The following ZNF804B variants were observed in gnomAD, a reference collection of about 807,000 sequenced individuals.
The protein encoded by ZNF804B is zinc finger 804B.
A neutral mutation model predicts 101.4 loss-of-function variants in ZNF804B; 80 were observed. That is an observed-to-expected ratio of 0.79 (90% confidence interval 0.66 to 0.95). The LOEUF is 0.95. ZNF804B is among the 40% of genes least tolerant of loss of function. ZNF804B has a pLI of 0.00. For synonymous variants in ZNF804B, 622 were observed against 558.8 expected (o/e 1.11, Z -1.59); for missense variants, 1,673 against 1,561.9 (o/e 1.07, Z -1.20).
At position 89,338,048 on chromosome 7, in the gene ZNF804B, A is replaced by G. The variant is rs1791130546; in HGVS notation, c.*1016A>G. Reference sequence around the variant, plus strand: ...ATGAATAATGATGAATAAATTCACCATCCATGTAATGTTGCAAATAATTTC... The same window carrying G: ...ATGAATAATGATGAATAAATTCACCGTCCATGTAATGTTGCAAATAATTTC... On this transcript the variant is annotated 3_prime_UTR_variant, in exon 4 of 4. Transcript: ENST00000333190. 1.3e-5 allele frequency among the ~76,000 whole-genome samples: 2 copies of G among 152,102 alleles called. No homozygotes were observed. The highest frequency in any genetic ancestry group is 4.8e-5 in the African/African-American group (2 of 41,450).
intron 1 of ZNF804B, among the ~76,000 whole-genome samples, chr7:88,790,632 A>C (rs1208362811): frequency 6.6e-6 from 1 of 152,058 alleles, no homozygotes; most frequent in Non-Finnish European, 1.5e-5. Context: ...GTATATATTC[A>C]TAGTATTCCA....
intron 1 of ZNF804B, among the ~76,000 whole-genome samples, chr7:88,961,690 A>G (rs375010888): frequency 2.4e-4 from 36 of 151,546 alleles, no homozygotes; most frequent in Middle Eastern, 6.8e-3. Context: ...AAAAGAACTC[A>G]GTGGTTCATG....
At chr7:89,216,213 G>A (rs527699532) in intron 1 of ZNF804B, among the ~76,000 whole-genome samples, 5 of 152,106 alleles carry the variant, frequency 3.3e-5, no homozygotes, top group East Asian at 2.0e-4. Flanking sequence ...GGGCTGAGAC[G>A]GGAGAATCGC....
chr7:88,934,106 A>G (rs1460144580), intron 1 of ZNF804B, among the ~76,000 whole-genome samples: 4 of 151,994 alleles, frequency 2.6e-5, no homozygotes, highest in East Asian at 3.9e-4. Context: ...GAACCCAAAA[A>G]TAAAGCCAAA....
At chr7:88,776,979 T>A (rs1790151451) in intron 1 of ZNF804B, among the ~76,000 whole-genome samples, 1 of 152,070 alleles carries the variant, frequency 6.6e-6, no homozygotes, top group Non-Finnish European at 1.5e-5. Context: ...TACCCAGAAT[T>A]AGTAATTGCA....
chr7:89,286,130 A>G (rs753732916), intron 2 of ZNF804B, among the ~76,000 whole-genome samples: 1 of 152,206 alleles, frequency 6.6e-6, no homozygotes, highest in Non-Finnish European at 1.5e-5. Flanking sequence ...CCATGAATTC[A>G]GCAACTAAGG....
At chr7:88,879,186 G>A (rs1320137760) in intron 1 of ZNF804B, among the ~76,000 whole-genome samples, 1 of 152,122 alleles carries the variant, frequency 6.6e-6, no homozygotes, top group East Asian at 1.9e-4. Flanking sequence ...CATCTTTGGA[G>A]GAGACCTCGT....
At chr7:89,298,247 T>TATATATATATACAC (rs1790419625) in intron 2 of ZNF804B, among the ~76,000 whole-genome samples, 1 of 120,786 alleles carries the variant, frequency 8.3e-6, no homozygotes, top group African/African-American at 3.1e-5. Context: ...TATATATATA[T>TATATATATATACAC]ATATATATAT....
chr7:89,280,536 G>T (rs899979453), intron 2 of ZNF804B, among the ~76,000 whole-genome samples: 1 of 152,070 alleles, frequency 6.6e-6, no homozygotes, highest in African/African-American at 2.4e-5. Flanking sequence ...AAAAAGAGAA[G>T]AATCAAATAG....
intron 1 of ZNF804B, among the ~76,000 whole-genome samples, chr7:88,921,330 T>C (rs776594902): frequency 7.2e-5 from 11 of 152,080 alleles, no homozygotes; most frequent in Non-Finnish European, 1.2e-4. Context: ...CACAGGTGAA[T>C]AGGAGGGACC....
intron 2 of ZNF804B, among the ~76,000 whole-genome samples, chr7:89,230,307 G>GA (rs1789170101): frequency 2.7e-5 from 2 of 74,022 alleles, no homozygotes; most frequent in African/African-American, 6.2e-5. Context: ...CATGGGGAGG[G>GA]GGAGAGAGAG....
chr7:88,781,796 T>C (rs1466183497), intron 1 of ZNF804B, among the ~76,000 whole-genome samples: 1 of 152,136 alleles, frequency 6.6e-6, no homozygotes, highest in Admixed American at 6.6e-5. Context: ...TGTGAGTAGG[T>C]TCCTTTGAAA....
At chr7:88,877,043 A>AT (rs1791960198) in intron 1 of ZNF804B, among the ~76,000 whole-genome samples, 62 of 41,794 alleles carry the variant, frequency 1.5e-3, no homozygotes, top group East Asian at 2.3e-3. Context: ...ATATATATAT[A>AT]TATATATTTT....
chr7:89,243,661 G>A (rs1381856489), intron 2 of ZNF804B, among the ~76,000 whole-genome samples: 5 of 151,708 alleles, frequency 3.3e-5, no homozygotes, highest in Non-Finnish European at 7.4e-5. Flanking sequence ...ATAAACAAAG[G>A]ACTATTTCTG....
At chr7:88,831,459 G>GA (rs1422955298) in intron 1 of ZNF804B, among the ~76,000 whole-genome samples, 1 of 151,610 alleles carries the variant, frequency 6.6e-6, no homozygotes, top group African/African-American at 2.4e-5. Flanking sequence ...ATTTGATTAA[G>GA]TTATGACTAC....
intron 1 of ZNF804B, among the ~76,000 whole-genome samples, chr7:89,181,386 A>T (rs554494311): frequency 1.2e-3 from 176 of 152,260 alleles, no homozygotes; most frequent in African/African-American, 3.9e-3. Context: ...GGGATGGACA[A>T]TTCCTCTCTG....
rs1322310879 is a variant in ZNF804B, at chr7:89,338,422, T to C, written c.*1390T>C. On this transcript the variant is annotated 3_prime_UTR_variant, in exon 4 of 4. Coordinates refer to ENST00000333190, the MANE Select transcript of ZNF804B (RefSeq NM_181646.5). ...ATTTTGAAATCAGTATTATCATTCC[T>C]CATTACAGATAAGGAAAATGAAATA... Among the ~76,000 whole-genome samples the C allele has an allele frequency of 1.3e-5, 2 of 151,986 alleles. No homozygotes were observed. Among genetic ancestry groups the C allele is most frequent in the Non-Finnish European group, 2.9e-5 (2 of 67,936 alleles).
At chr7:89,003,087 A>G (rs564832594) in intron 1 of ZNF804B, among the ~76,000 whole-genome samples, 3 of 151,854 alleles carry the variant, frequency 2.0e-5, no homozygotes, top group African/African-American at 7.2e-5. Flanking sequence ...ACGGTAAGCT[A>G]ATGTACCACT....
intron 1 of ZNF804B, among the ~76,000 whole-genome samples, chr7:88,845,949 A>C (rs911315492): frequency 6.6e-6 from 1 of 152,238 alleles, no homozygotes; most frequent in Non-Finnish European, 1.5e-5. Flanking sequence ...GAGGAAAAAA[A>C]GGAAAGAAAA....
Sources: allele counts gnomAD v4.1 joint callset (sites outside exome capture counted in the v4.1 genomes callset), GRCh38; gene constraint gnomAD v4.1.1; transcripts MANE v1.5; gene names NCBI Gene and HGNC (gene_info 2026-07-23, HGNC 2026-07-21).